Variants in MYH4 observed in about 807,000 individuals in gnomAD.
MYH4 encodes the protein myosin heavy chain 4.
MYH4 carries 200 observed loss-of-function variants against 229.9 expected under a neutral mutation model. That is an observed-to-expected ratio of 0.87 (90% confidence interval 0.78 to 0.98). The LOEUF (loss-of-function observed/expected upper bound fraction) is 0.98, where lower values mean the gene tolerates loss of function less well. Ranked by LOEUF, MYH4 falls within the 50% of genes least tolerant of loss-of-function variation. MYH4 has a pLI of 0.00. For synonymous variants in MYH4, 761 were observed against 834.6 expected (o/e 0.91, Z 1.52); for missense variants, 2,148 against 2,332.6 (o/e 0.92, Z 1.63).
intron 24 of MYH4, 55 bp from the exon 25 acceptor site, chr17:10,452,987 T>C: frequency 6.3e-7 from 1 of 1,591,638 alleles, no homozygotes; most frequent in Non-Finnish European, 8.5e-7. Context: ...AACCCTATGC[T>C]AGTAGCCTTC....
Position 10,463,128 on chromosome 17 carries a change from A to C in MYH4, c.866T>G (p.Phe289Cys), listed in dbSNP as rs2072720333. ...QLKAERSYHI[F>C]YQILSNKKPE... ...TTTCTTATTGGACAGGATTTGATAA[A>C]ATATGTGGTAGCTTCTTTCAGCCTT... Residue 289 changes from phenylalanine (F) to cysteine (C), a missense_variant, in exon 10 of 40, where the codon TTT becomes TGT. By Grantham distance (205) the Phe-to-Cys change is radical. Coordinates refer to ENST00000255381, the MANE Select transcript of MYH4 (RefSeq NM_017533.2). 6.2e-7 allele frequency: 1 copy of C among 1,613,696 alleles called. No individual in the cohort carries two copies. The highest frequency in any genetic ancestry group is 2.2e-5 in the East Asian group (1 of 44,876).
intron 34 of MYH4, 87 bp downstream of exon 34, chr17:10,447,731 G>A (rs2072527045): frequency 7.8e-7 from 1 of 1,287,964 alleles, no homozygotes; most frequent in Admixed American, 2.3e-5. Context: ...GGTGATTTAT[G>A]ACACATAGTC....
chr17:10,452,638 T>G, intron 25 of MYH4, 132 bp from the exon 26 acceptor site: 1 of 1,215,322 alleles, frequency 8.2e-7, no homozygotes, highest in Non-Finnish European at 1.1e-6. Context: ...AGATTAATAA[T>G]TGTATTAGTT....
chr17:10,453,703 A>C lies in MYH4; in HGVS notation c.2874T>G (p.Ile958Met), dbSNP rs1355361899. 1.2e-6 allele frequency: 2 copies of C among 1,613,898 alleles called. No homozygotes were observed. Among genetic ancestry groups the C allele is most frequent in the East Asian group, 2.2e-5 (1 of 44,892 alleles). The part of the protein sequence containing the change: ...EDECSELKKD[I>M]DDLELTLAKV... ...TGGCCAGTGTCAGCTCAAGGTCATC[A>C]ATGTCTTTCTTGAGCTCTGAACATT... Residue 958 changes from isoleucine to methionine, a missense_variant, in exon 23 of 40, where the codon ATT (isoleucine) becomes ATG (methionine). Ile to Met is a conservative substitution (Grantham distance 10, BLOSUM62 1). Coordinates refer to ENST00000255381, the MANE Select transcript of MYH4 (RefSeq NM_017533.2).
At chr17:10,464,255 G>C (rs1002750087) in intron 7 of MYH4, among the ~76,000 whole-genome samples, 2 of 152,024 alleles carry the variant, frequency 1.3e-5, no homozygotes. Context: ...ACTTATAAGA[G>C]AACATGCTGT....
intron 11 of MYH4, among the ~76,000 whole-genome samples, chr17:10,461,555 T>C (rs902461562): frequency 6.6e-6 from 1 of 152,184 alleles, no homozygotes; most frequent in Admixed American, 6.5e-5. Flanking sequence ...AAAGAGGGTA[T>C]GAGGAGAACA....
intron 35 of MYH4, among the ~76,000 whole-genome samples, 188 bp downstream of exon 35, chr17:10,446,825 G>A (rs1597414388): frequency 6.6e-6 from 1 of 152,144 alleles, no homozygotes; most frequent in Non-Finnish European, 1.5e-5. Context: ...AACTCAACAT[G>A]ATTATGCCAG....
chr17:10,466,225 T>A (rs202014531), intron 4 of MYH4, 48 bp downstream of exon 4: 1 of 1,567,828 alleles, frequency 6.4e-7, no homozygotes, highest in Non-Finnish European at 8.7e-7. Flanking sequence ...TTAGCTAACA[T>A]GTGTAGAATG....
chr17:10,452,957 A>G (rs761723564), intron 24 of MYH4, 25 bp from the exon 25 acceptor site: 3 of 1,598,450 alleles, frequency 1.9e-6, no homozygotes, highest in Admixed American at 3.6e-5. Context: ...CATTTTATTT[A>G]TTTCAGCTCT....
rs1053862646 is a variant in MYH4, at chr17:10,454,812, T to C, written c.2436-2A>G. On this transcript the variant is annotated splice_acceptor_variant, in intron 21 of 39. Transcript: ENST00000255381. LOFTEE classifies it high-confidence loss of function. The stretch of plus-strand genomic sequence containing the variant: ...TACTGAATGCAGAAGATGGACTCTC[T>C]GTAGGAAAAGAAAAAAAGATGCAAA... The C allele has an allele frequency of 1.2e-6, 2 of 1,611,812 alleles. No homozygotes were observed. The highest frequency in any genetic ancestry group is 1.7e-6 in the Non-Finnish European group (2 of 1,178,816).
At chr17:10,459,153 C>A in intron 15 of MYH4, 98 bp downstream of exon 15, 11 of 1,583,030 alleles carry the variant, frequency 6.9e-6, no homozygotes, top group African/African-American at 1.3e-5. Context: ...TGTCAGGAAA[C>A]AGCACTGCTT....
intron 35 of MYH4, 45 bp from the exon 36 acceptor site, chr17:10,445,407 A>G: frequency 6.2e-7 from 1 of 1,609,086 alleles, no homozygotes; most frequent in Non-Finnish European, 8.5e-7. Context: ...TTTACTTATA[A>G]CAACTCACAT....
chr17:10,452,834 T>G lies in MYH4; in HGVS notation c.3210A>C (p.Thr1070=). ...EGDLKLAQES[T]MDTENDKQQL... is the part of the protein sequence containing the mutation. ...GCTGTTTGTCATTTTCTGTATCCAT[T>G]GTGGATTCTTGGGCCAATTTTAGGT... Residue 1070 remains threonine (T), a synonymous_variant, in exon 25 of 40, where the codon ACA becomes ACC. Coordinates refer to ENST00000255381, the MANE Select transcript of MYH4 (RefSeq NM_017533.2). 6.2e-7 allele frequency: 1 copy of G among 1,610,106 alleles called. No homozygotes were observed. Among genetic ancestry groups the G allele is most frequent in the Non-Finnish European group, 8.5e-7 (1 of 1,179,434 alleles).
rs574193646 is a variant in MYH4 at position 10,455,990 on chromosome 17, T to G, written c.1969-89A>C. 214 of 1,511,336 alleles carry G rather than the reference T, an allele frequency of 1.4e-4. No homozygotes were observed. In the African/African-American group the frequency reaches 2.8e-3, roughly 20 times the overall value. 93.6% of individuals were successfully genotyped at this position (1,511,336 alleles called of 1,614,324 possible). ...AATATTTGTCTTTCATTTCACATTT[T>G]AATGAGCTGTCTCAAGGAAAAACAA... is the stretch of plus-strand genomic sequence containing the variant. On this transcript the variant is annotated intron_variant, in intron 17 of 39. Transcript: ENST00000255381.
At position 10,444,879 on chromosome 17, in the gene MYH4, C is replaced by A; in HGVS notation, c.5487G>T (p.Glu1829Asp). Reference sequence around the variant, plus strand: ...CATTGTGCTTCTGTTCACTTTCCACCTCACTTTCAAGCTCTCTCACCTGGA... The same window carrying A: ...CATTGTGCTTCTGTTCACTTTCCACATCACTTTCAAGCTCTCTCACCTGGA... ...LEARVRELESEVESEQKHNVE... is the reference protein window; with the variant it reads ...LEARVRELESDVESEQKHNVE... Residue 1829 changes from glutamate to aspartate, a missense_variant, in exon 38 of 40, where the codon GAG (glutamate) becomes GAT (aspartate). Coordinates refer to ENST00000255381, the MANE Select transcript of MYH4 (RefSeq NM_017533.2). 6.2e-7 allele frequency: 1 copy of A among 1,614,120 alleles called. No individual in the cohort carries two copies. Among genetic ancestry groups the A allele is most frequent in the Non-Finnish European group, 8.5e-7 (1 of 1,180,012 alleles).
In MYH4 at chr17:10,450,900, G is replaced by A. The variant is rs1179077856; in HGVS notation, c.3866-5C>T. Reference sequence around the variant, plus strand: ...CTAGCTGTCGTGAAAACTCACCTGTGGAAGACAAAACATCAATGATTTAGT... The same window carrying A: ...CTAGCTGTCGTGAAAACTCACCTGTAGAAGACAAAACATCAATGATTTAGT... On this transcript the variant is annotated splice_region_variant and splice_polypyrimidine_tract_variant and intron_variant, in intron 28 of 39. Coordinates refer to ENST00000255381, the MANE Select transcript of MYH4 (RefSeq NM_017533.2). 1.2e-6 allele frequency: 2 copies of A among 1,600,066 alleles called. No individual in the cohort carries two copies. Among genetic ancestry groups the A allele is most frequent in the Non-Finnish European group, 1.7e-6 (2 of 1,167,630 alleles).
At position 10,457,693 on chromosome 17, in the gene MYH4, T is replaced by C; in HGVS notation, c.1624A>G (p.Met542Val). ...GIFSILEEEC[M>V]FPKATDTSFK... The stretch of plus-strand genomic sequence containing the variant: ...GAGGTGTCTGTTGCCTTGGGGAACA[T>C]GCACTCCTCTTCTAGGATGGAGAAG... The change falls in exon 16 of 40, where the codon ATG becomes GTG. Residue 542 changes from methionine (M) to valine (V), a missense_variant. Coordinates refer to ENST00000255381, the MANE Select transcript of MYH4 (RefSeq NM_017533.2). 1 of 1,614,148 alleles carries C rather than the reference T, an allele frequency of 6.2e-7. No homozygotes were observed.
chr17:10,460,537 A>T (rs1417745573), intron 12 of MYH4, among the ~76,000 whole-genome samples: 1 of 152,214 alleles, frequency 6.6e-6, no homozygotes, highest in Non-Finnish European at 1.5e-5. Context: ...TGGGGAATCG[A>T]TGCTGTCTGT....
intron 30 of MYH4, 138 bp from the exon 31 acceptor site, chr17:10,449,185 CT>C (rs1462888624): frequency 1.8e-5 from 13 of 722,734 alleles, no homozygotes; most frequent in Non-Finnish European, 2.9e-5. Flanking sequence ...CATTTTCACT[CT>C]CTTAGAATTC....
Sources: gnomAD v4.1 joint callset for allele counts (sites outside exome capture counted in the v4.1 genomes callset) on GRCh38, gnomAD v4.1.1 for gene constraint, MANE v1.5 for transcripts, NCBI Gene and HGNC (gene_info 2026-07-23, HGNC 2026-07-21) for gene names.